Variants in RPS6KC1 observed in about 807,000 individuals in gnomAD.
RPS6KC1 encodes ribosomal protein S6 kinase C1, also known as inactive ribosomal protein S6 kinase delta-1.
A neutral mutation model predicts 103.8 loss-of-function variants in RPS6KC1; 54 were observed. The ratio of observed to expected loss-of-function variants is 0.52; its 90% CI spans 0.42 to 0.65. The LOEUF (loss-of-function observed/expected upper bound fraction) is 0.65, where lower values mean the gene tolerates loss of function less well. Ranked by LOEUF, RPS6KC1 falls within the 30% of genes least tolerant of loss-of-function variation. The pLI is 0.00. For missense variants in RPS6KC1, 1,151 were observed against 1,253.8 expected, an observed-to-expected ratio of 0.92 and a Z score of 1.24; for synonymous variants, 439 against 438.7, an observed-to-expected ratio of 1.00 and a Z score of -0.01.
chr1:213,798,315 G>A, the RPS6KC1 span, among the ~76,000 whole-genome samples: 15 of 152,216 alleles, frequency 9.9e-5, no homozygotes, highest in African/African-American at 3.4e-4. Flanking sequence ...TGACACCCAA[G>A]GGCTGCCCAA....
the RPS6KC1 span, among the ~76,000 whole-genome samples, chr1:213,361,904 A>T: frequency 3.9e-5 from 6 of 152,202 alleles, no homozygotes; most frequent in Non-Finnish European, 8.8e-5. Flanking sequence ...GTGACAGGGC[A>T]GGCTTTGGCT....
In RPS6KC1 at chr1:213,262,874, A is replaced by T; in HGVS notation, c.3090+58A>T. On this transcript the variant is annotated intron_variant, in intron 14 of 14. Transcript: ENST00000366960. ...AACCATGCAGATTAGCAGAGCCCAC[A>T]ACTCCAAAACCTTAAAAAGAGATTA... 2.0e-6 allele frequency: 2 copies of T among 986,272 alleles called. 1 individual carries two copies. Among genetic ancestry groups the T allele is most frequent in the South Asian group, 2.6e-5 (2 of 77,846 alleles). 61.1% of individuals were successfully genotyped at this position (986,272 alleles called of 1,614,324 possible).
chr1:213,600,460 G>A, the RPS6KC1 span, among the ~76,000 whole-genome samples: 1 of 152,270 alleles, frequency 6.6e-6, no homozygotes, highest in Admixed American at 6.5e-5. Context: ...AACATAACTT[G>A]TTTTTCTAAT....
the RPS6KC1 span, among the ~76,000 whole-genome samples, chr1:213,359,548 C>A: frequency 6.6e-6 from 1 of 151,142 alleles, no homozygotes; most frequent in East Asian, 1.9e-4. Flanking sequence ...AGCATTTAGC[C>A]CATTTACATT....
the RPS6KC1 span, among the ~76,000 whole-genome samples, chr1:213,337,767 CA>C: frequency 1.3e-5 from 2 of 152,120 alleles, no homozygotes; most frequent in Non-Finnish European, 2.9e-5. Flanking sequence ...TATATATATT[CA>C]AGGGGTTAGG....
intron 1 of RPS6KC1, among the ~76,000 whole-genome samples, chr1:213,065,026 G>A (rs2078197920): frequency 7.1e-6 from 1 of 140,430 alleles, no homozygotes. Flanking sequence ...GCCCAGGTTG[G>A]AATGCAGTGG....
chr1:213,633,970 A>G, the RPS6KC1 span, among the ~76,000 whole-genome samples: 1 of 151,052 alleles, frequency 6.6e-6, no homozygotes, highest in East Asian at 1.9e-4. Flanking sequence ...CAAAGATCAA[A>G]AGAGACAAAG....
intron 8 of RPS6KC1, among the ~76,000 whole-genome samples, chr1:213,223,723 C>A (rs1047407491): frequency 1.3e-5 from 2 of 152,060 alleles, no homozygotes; most frequent in Non-Finnish European, 2.9e-5. Context: ...TGGGTAGCTA[C>A]CCAGTAGTGG....
the RPS6KC1 span, among the ~76,000 whole-genome samples, chr1:213,590,659 T>C: frequency 6.6e-6 from 1 of 152,142 alleles, no homozygotes; most frequent in East Asian, 1.9e-4. Context: ...CAAAGTGAGC[T>C]GCTCTAGAAA....
the RPS6KC1 span, among the ~76,000 whole-genome samples, chr1:213,785,271 G>C: frequency 1.3e-5 from 2 of 152,028 alleles, no homozygotes; most frequent in Non-Finnish European, 2.9e-5. Context: ...AACCCTAAGT[G>C]GTCTACTTAG....
At chr1:213,842,498 T>A in the RPS6KC1 span, among the ~76,000 whole-genome samples, 5 of 152,142 alleles carry the variant, frequency 3.3e-5, no homozygotes, top group Admixed American at 2.0e-4. Context: ...ACTTACCTGG[T>A]TGAAAGCTTA....
At chr1:213,671,653 G>A in the RPS6KC1 span, among the ~76,000 whole-genome samples, 230 of 152,202 alleles carry the variant, frequency 1.5e-3, no homozygotes, top group African/African-American at 5.3e-3. Flanking sequence ...GCATGGTGGC[G>A]CATGCCTGTA....
chr1:213,086,012 T>A (rs570671662), intron 3 of RPS6KC1, among the ~76,000 whole-genome samples: 13 of 152,302 alleles, frequency 8.5e-5, no homozygotes, highest in African/African-American at 2.9e-4. Flanking sequence ...CCCTGAAATC[T>A]ACCATTTCTT....
the RPS6KC1 span, among the ~76,000 whole-genome samples, chr1:213,743,821 C>G: frequency 2.6e-5 from 4 of 152,164 alleles, no homozygotes; most frequent in Admixed American, 2.6e-4. Context: ...AGTTAGGAAT[C>G]AGAATTTTTG....
intron 10 of RPS6KC1, among the ~76,000 whole-genome samples, chr1:213,237,849 AT>A (rs1227119986): frequency 6.6e-6 from 1 of 152,128 alleles, no homozygotes; most frequent in Admixed American, 6.5e-5. Context: ...AGTGTTAAAA[AT>A]TAGACAAATT....
At chr1:213,122,882 A>G (rs1489115853) in intron 5 of RPS6KC1, among the ~76,000 whole-genome samples, 1 of 152,128 alleles carries the variant, frequency 6.6e-6, no homozygotes, top group African/African-American at 2.4e-5. Context: ...GATAGCCACA[A>G]ATGAGAATGT....
At chr1:213,740,535 T>C in the RPS6KC1 span, among the ~76,000 whole-genome samples, 2 of 152,064 alleles carry the variant, frequency 1.3e-5, no homozygotes, top group Non-Finnish European at 2.9e-5. Context: ...GTTTGGTCCT[T>C]GAAGACATTC....
chr1:213,464,140 C>T, the RPS6KC1 span, among the ~76,000 whole-genome samples: 15,245 of 152,180 alleles, frequency 0.1, 1,029 homozygotes, highest in Middle Eastern at 0.18. Flanking sequence ...GTAGTATTGG[C>T]TGATAGTTTC....
At chr1:213,675,233 T>A in the RPS6KC1 span, among the ~76,000 whole-genome samples, 1 of 152,206 alleles carries the variant, frequency 6.6e-6, no homozygotes, top group African/African-American at 2.4e-5. Context: ...CAAAGGCCAA[T>A]GCAAAGACTT....
Sources: gnomAD v4.1 joint callset for allele counts (sites outside exome capture counted in the v4.1 genomes callset) on GRCh38, gnomAD v4.1.1 for gene constraint, MANE v1.5 for transcripts, NCBI Gene and HGNC (gene_info 2026-07-23, HGNC 2026-07-21) for gene names.